Variants in STARD13 observed in about 807,000 individuals in gnomAD.
STARD13 encodes stAR-related lipid transfer protein 13.
Under a neutral mutation model 106.4 loss-of-function variants are expected in STARD13, and 62 were observed. The observed-to-expected ratio is 0.58, with a 90% CI of 0.48 to 0.72. The LOEUF (loss-of-function observed/expected upper bound fraction) is 0.72. Ranked by LOEUF, STARD13 falls within the 30% of genes least tolerant of loss-of-function variation. The pLI, the probability that STARD13 is intolerant of heterozygous loss-of-function variation, is 0.00. For missense variants in STARD13, 1,387 were observed against 1,424.0 expected (o/e 0.97, Z 0.42); for synonymous variants, 565 against 553.0 (o/e 1.02, Z -0.31).
At chr13:33,378,934 G>GC in the STARD13 span, among the ~76,000 whole-genome samples, 1 of 151,724 alleles carries the variant, frequency 6.6e-6, no homozygotes, top group Non-Finnish European at 1.5e-5. Flanking sequence ...ACATGGTGGA[G>GC]CCCCGTCTCT....
At chr13:33,468,736 T>C in the STARD13 span, among the ~76,000 whole-genome samples, 3 of 152,206 alleles carry the variant, frequency 2.0e-5, no homozygotes, top group African/African-American at 4.8e-5. Flanking sequence ...TCATTATAAG[T>C]TACCCAGTTC....
intron 1 of STARD13, among the ~76,000 whole-genome samples, chr13:33,232,819 C>T (rs1028124851): frequency 8.5e-5 from 13 of 152,334 alleles, no homozygotes; most frequent in Admixed American, 7.2e-4. Context: ...CAATGAGATA[C>T]AAGACCCCTC....
chr13:33,134,814 A>G (rs918550959), intron 4 of STARD13, among the ~76,000 whole-genome samples: 1 of 152,204 alleles, frequency 6.6e-6, no homozygotes, highest in African/African-American at 2.4e-5. Context: ...AAATATAATG[A>G]CTCTAACTTC....
At chr13:33,241,788 A>G (rs1006718832) in intron 1 of STARD13, among the ~76,000 whole-genome samples, 6 of 152,154 alleles carry the variant, frequency 3.9e-5, no homozygotes, top group Non-Finnish European at 8.8e-5. Flanking sequence ...GTGATCTGCC[A>G]GCCTCAGCCT....
chr13:33,203,265 G>C (rs2433597), intron 1 of STARD13, among the ~76,000 whole-genome samples: 33,658 of 152,082 alleles, frequency 0.22, 5,699 homozygotes, highest in African/African-American at 0.48. Flanking sequence ...GTCCTTTGCA[G>C]TACACTAAGC....
intron 1 of STARD13, among the ~76,000 whole-genome samples, chr13:33,179,410 C>T (rs1369081005): frequency 6.6e-6 from 1 of 152,196 alleles, no homozygotes; most frequent in African/African-American, 2.4e-5. Flanking sequence ...GATTGCATTT[C>T]TGTAAAGTAC....
chr13:33,411,898 A>G, the STARD13 span, among the ~76,000 whole-genome samples: 9 of 152,326 alleles, frequency 5.9e-5, no homozygotes, highest in Admixed American at 3.3e-4. Flanking sequence ...AGAAATAAAG[A>G]CATTATCAAA....
intron 1 of STARD13, among the ~76,000 whole-genome samples, chr13:33,327,493 C>T (rs113632669): frequency 3.1e-3 from 477 of 152,268 alleles, no homozygotes; most frequent in Non-Finnish European, 5.2e-3. Flanking sequence ...CCTCAGCTTC[C>T]CAAGTAGCTG....
intron 1 of STARD13, among the ~76,000 whole-genome samples, chr13:33,328,819 C>A (rs773801462): frequency 2.0e-5 from 3 of 152,180 alleles, no homozygotes; most frequent in Non-Finnish European, 4.4e-5. Flanking sequence ...CAGTTCACTG[C>A]CTTTCATATG....
At chr13:33,590,812 C>A in the STARD13 span, among the ~76,000 whole-genome samples, 2 of 151,960 alleles carry the variant, frequency 1.3e-5, no homozygotes, top group Non-Finnish European at 2.9e-5. Context: ...ATATGTAACA[C>A]ACCTGCACGT....
chr13:33,213,085 T>G (rs988330287), intron 1 of STARD13, among the ~76,000 whole-genome samples: 1 of 152,146 alleles, frequency 6.6e-6, no homozygotes, highest in African/African-American at 2.4e-5. Context: ...AATCAGACAG[T>G]ACATCTGTAA....
At chr13:33,326,864 T>G (rs1241656562) in intron 1 of STARD13, among the ~76,000 whole-genome samples, 1 of 152,210 alleles carries the variant, frequency 6.6e-6, no homozygotes, top group Non-Finnish European at 1.5e-5. Context: ...TTATCCCCCT[T>G]TAAGCAGCAA....
the STARD13 span, among the ~76,000 whole-genome samples, chr13:33,434,604 T>A: frequency 2.6e-5 from 4 of 152,138 alleles, no homozygotes; most frequent in Non-Finnish European, 5.9e-5. Flanking sequence ...CGGATCTGTA[T>A]TCCTCTAGTA....
rs1344395220 is a variant in STARD13 at position 33,200,898 on chromosome 13, C to T, written c.170-33276G>A. 1.3e-4 allele frequency among the ~76,000 whole-genome samples: 19 copies of T among 151,754 alleles called. No individual in the cohort carries two copies. In the East Asian group the frequency reaches 1.4e-3, roughly 11 times the overall value. The stretch of plus-strand genomic sequence containing the variant: ...AAAATTAGCCGGGCATGGTGGCAGG[C>T]GCCTGTGGTCCCAGCTACTCGGGAG... On this transcript the variant is annotated intron_variant, in intron 1 of 13. Transcript: ENST00000336934.
At chr13:33,619,125 G>T in the STARD13 span, among the ~76,000 whole-genome samples, 13 of 152,022 alleles carry the variant, frequency 8.6e-5, no homozygotes, top group African/African-American at 3.1e-4. Context: ...TGGGCATTTC[G>T]TTCAGACCCC....
chr13:33,472,164 TA>T, the STARD13 span, among the ~76,000 whole-genome samples: 1 of 152,046 alleles, frequency 6.6e-6, no homozygotes, highest in Non-Finnish European at 1.5e-5. Context: ...AGTTTATAAT[TA>T]TTTTTCTTTT....
the STARD13 span, among the ~76,000 whole-genome samples, chr13:33,387,094 C>G: frequency 6.6e-6 from 1 of 152,166 alleles, no homozygotes; most frequent in African/African-American, 2.4e-5. Context: ...CAGCCTTGAA[C>G]TCCTGGGCTC....
the STARD13 span, among the ~76,000 whole-genome samples, chr13:33,638,514 A>G: frequency 1.3e-5 from 2 of 152,224 alleles, no homozygotes; most frequent in Non-Finnish European, 2.9e-5. Context: ...AATCAATAGA[A>G]AAGAGTGTCT....
chr13:33,456,893 A>G, the STARD13 span, among the ~76,000 whole-genome samples: 1 of 152,354 alleles, frequency 6.6e-6, no homozygotes, highest in South Asian at 2.1e-4. Context: ...ACAGGCTACA[A>G]TGACACAGTT....
Sources: allele counts gnomAD v4.1 joint callset (sites outside exome capture counted in the v4.1 genomes callset), GRCh38; gene constraint gnomAD v4.1.1; transcripts MANE v1.5; gene names NCBI Gene and HGNC (gene_info 2026-07-23, HGNC 2026-07-21).